Variants in PLEKHG1 observed in about 807,000 individuals in gnomAD.
PLEKHG1 encodes pleckstrin homology and RhoGEF domain containing G1.
A neutral mutation model predicts 100.8 loss-of-function variants in PLEKHG1; 44 were observed. The observed-to-expected ratio is 0.44, with a 90% CI of 0.34 to 0.56. PLEKHG1 has a LOEUF of 0.56. Ranked by LOEUF, PLEKHG1 falls within the 20% of genes least tolerant of loss-of-function variation. The pLI is 0.01. For synonymous variants in PLEKHG1, 640 were observed against 662.5 expected (o/e 0.97, Z 0.52); for missense variants, 1,545 against 1,720.9 (o/e 0.90, Z 1.81).
chr6:150,746,236 C>G (rs1221368809), intron 2 of PLEKHG1, among the ~76,000 whole-genome samples: 1 of 152,162 alleles, frequency 6.6e-6, no homozygotes, highest in Non-Finnish European at 1.5e-5. Context: ...TGAAATCTTG[C>G]AAAAGCAAAA....
intron 3 of PLEKHG1, among the ~76,000 whole-genome samples, chr6:150,782,541 G>A (rs1179649881): frequency 1.3e-5 from 2 of 152,090 alleles, no homozygotes; most frequent in Non-Finnish European, 2.9e-5. Context: ...ATACTTATTG[G>A]AAATGCCATT....
At chr6:150,602,628 G>C (rs1274330626) in intron 1 of PLEKHG1, among the ~76,000 whole-genome samples, 1 of 152,098 alleles carries the variant, frequency 6.6e-6, no homozygotes, top group African/African-American at 2.4e-5. Flanking sequence ...TAAATGAAAT[G>C]ATTCGTATCA....
intron 1 of PLEKHG1, among the ~76,000 whole-genome samples, chr6:150,623,558 A>G (rs1777395521): frequency 6.6e-6 from 1 of 152,214 alleles, no homozygotes; most frequent in Admixed American, 6.5e-5. Flanking sequence ...AAGCAGAACT[A>G]GAAATTAGTT....
chr6:150,840,648 T>G (rs1777480593), exon 16 of PLEKHG1: 1 of 1,614,108 alleles, frequency 6.2e-7, no homozygotes, highest in African/African-American at 1.3e-5. Context: ...GAAATCTGAC[T>G]CAAAGTTTGT....
At chr6:150,665,350 A>G (rs185229080) in intron 3 of PLEKHG1, among the ~76,000 whole-genome samples, 5 of 152,232 alleles carry the variant, frequency 3.3e-5, no homozygotes, top group Admixed American at 2.6e-4. Context: ...TTGATTTAAT[A>G]ATGAATGTCG....
At chr6:150,724,033 T>A (rs149857214) in intron 1 of PLEKHG1, among the ~76,000 whole-genome samples, 505 of 152,304 alleles carry the variant, frequency 3.3e-3, no homozygotes, top group Admixed American at 9.2e-3. Context: ...TTCTGTGGTG[T>A]GGCAGAGTCA....
intron 15 of PLEKHG1, 21 bp downstream of exon 16, chr6:150,832,226 T>C (rs1472624281): frequency 6.5e-7 from 1 of 1,536,558 alleles, no homozygotes; most frequent in Admixed American, 2.1e-5. Flanking sequence ...CCTGCCCTTC[T>C]TCCTTCTCCA....
intron 2 of PLEKHG1, among the ~76,000 whole-genome samples, chr6:150,649,567 G>C (rs1178732867): frequency 1.3e-5 from 2 of 152,136 alleles, no homozygotes; most frequent in Admixed American, 6.5e-5. Context: ...AAATGTCTGC[G>C]GTTCTTTCTT....
intron 2 of PLEKHG1, among the ~76,000 whole-genome samples, chr6:150,747,932 G>A (rs1009587109): frequency 6.6e-6 from 1 of 151,834 alleles, no homozygotes; most frequent in Non-Finnish European, 1.5e-5. Flanking sequence ...CAGTTCAGTG[G>A]TACCAAGTAC....
intron 3 of PLEKHG1, among the ~76,000 whole-genome samples, chr6:150,696,937 A>G (rs1371176118): frequency 1.3e-5 from 2 of 151,994 alleles, no homozygotes; most frequent in African/African-American, 4.8e-5. Flanking sequence ...GTGAAACCCC[A>G]TCTCTACTAA....
chr6:150,673,163 T>C (rs1038388544), intron 3 of PLEKHG1, among the ~76,000 whole-genome samples: 1 of 152,224 alleles, frequency 6.6e-6, no homozygotes, highest in Non-Finnish European at 1.5e-5. Context: ...GCAGTTCTTA[T>C]GCCATAGAAA....
At chr6:150,801,533 G>A (rs907500912) in intron 6 of PLEKHG1, among the ~76,000 whole-genome samples, 4 of 150,610 alleles carry the variant, frequency 2.7e-5, no homozygotes, top group Admixed American at 6.6e-5. Context: ...CGCCTCCTGG[G>A]CTCAAGCAAT....
At chr6:150,664,050 T>G (rs1178782111) in intron 3 of PLEKHG1, 2 of 152,240 alleles carry the variant, frequency 1.3e-5, no homozygotes, top group African/African-American at 2.4e-5. Flanking sequence ...TAAGACTCAT[T>G]GGTTCAGTGA....
At chr6:150,750,703 C>T (rs1783460557) in intron 2 of PLEKHG1, among the ~76,000 whole-genome samples, 1 of 137,946 alleles carries the variant, frequency 7.2e-6, no homozygotes, top group Non-Finnish European at 1.5e-5. Flanking sequence ...ATGGCGTGAA[C>T]CCGGGAGGCG....
intron 3 of PLEKHG1, among the ~76,000 whole-genome samples, chr6:150,773,853 A>AT (rs1748394315): frequency 6.6e-6 from 1 of 152,188 alleles, no homozygotes; most frequent in Non-Finnish European, 1.5e-5. Context: ...AGCTTTTAAA[A>AT]TTTCCTTTAA....
intron 3 of PLEKHG1, among the ~76,000 whole-genome samples, chr6:150,661,814 A>G (rs889905581): frequency 6.6e-6 from 1 of 152,258 alleles, no homozygotes; most frequent in African/African-American, 2.4e-5. Context: ...ATATCAGAGC[A>G]ATAACAGAAG....
At chr6:150,842,529 AAAT>A (rs1268016126) in exon 16 of PLEKHG1, 1 of 152,210 alleles carries the variant, frequency 6.6e-6, no homozygotes, top group Non-Finnish European at 1.5e-5. Context: ...AAATAACAAA[AAAT>A]AACCCAAGTT....
At chr6:150,643,215 G>A (rs959490938) in intron 2 of PLEKHG1, among the ~76,000 whole-genome samples, 1 of 152,124 alleles carries the variant, frequency 6.6e-6, no homozygotes. Context: ...AAAATAAACA[G>A]GAAATGGTAA....
intron 3 of PLEKHG1, among the ~76,000 whole-genome samples, chr6:150,771,445 G>A (rs569925375): frequency 6.6e-5 from 10 of 151,998 alleles, no homozygotes; most frequent in South Asian, 6.2e-4. Flanking sequence ...ATGAATGAAC[G>A]AACGAACGAG....
Sources: allele counts gnomAD v4.1 joint callset (sites outside exome capture counted in the v4.1 genomes callset), GRCh38; gene constraint gnomAD v4.1.1; transcripts MANE v1.5; gene names NCBI Gene and HGNC (gene_info 2026-07-23, HGNC 2026-07-21).